Variants in ARAP3 observed in about 807,000 individuals in gnomAD.
ARAP3 encodes ArfGAP with RhoGAP domain, ankyrin repeat and PH domain 3.
In ARAP3, 82 loss-of-function variants were observed where a neutral mutation model predicts 169.2. That is an observed-to-expected ratio of 0.48 (90% CI 0.41 to 0.58). ARAP3 has a LOEUF of 0.58. Among genes scored for constraint, ARAP3 ranks in the 20% least tolerant of loss-of-function variants. ARAP3 has a pLI of 0.00. For missense variants in ARAP3, 1,764 were observed against 2,018.0 expected (o/e 0.87, Z 2.41); for synonymous variants, 791 against 800.3 (o/e 0.99, Z 0.20).
intron 21 of ARAP3, among the ~76,000 whole-genome samples, chr5:141,660,350 C>T (rs2099909775): frequency 6.6e-6 from 1 of 151,720 alleles, no homozygotes; most frequent in Non-Finnish European, 1.5e-5. Flanking sequence ...AAAAATTAGC[C>T]GGGCGTGATG....
At position 141,671,491 on chromosome 5, in the gene ARAP3, C is replaced by A; in HGVS notation, c.1854+79G>T. 1 of 1,605,186 alleles carries A rather than the reference C, an allele frequency of 6.2e-7. No homozygotes were observed. The highest frequency in any genetic ancestry group is 1.1e-5 in the South Asian group (1 of 89,916). ...TCATCACTAAAAACAGTCCCCACCACCCAAGTCTAGGCATTCCAACTCCAG... is the reference window on the plus strand; with the variant it reads ...TCATCACTAAAAACAGTCCCCACCAACCAAGTCTAGGCATTCCAACTCCAG... On this transcript the variant is annotated intron_variant, in intron 12 of 32. Coordinates refer to ENST00000239440, the MANE Select transcript of ARAP3 (RefSeq NM_022481.6). This position sits in a 1 kb window ranked among gnomAD's most constrained non-coding sequence, Gnocchi z 4.9.
intron 25 of ARAP3, 126 bp downstream of exon 25, chr5:141,658,239 T>G: frequency 1.1e-6 from 1 of 878,484 alleles, no homozygotes; most frequent in East Asian, 2.7e-5. Flanking sequence ...CTCGCATGGA[T>G]GAGTGGATGA....
rs1000444419 is a variant in ARAP3 at position 141,670,640 on chromosome 5, A to G, written c.1991-12T>C. ...ACCAGGGGAGGGGTCTGCAAGGGGA[A>G]GGGGAAGTAGTCAGGTCAACCAAGT... On this transcript the variant is annotated splice_polypyrimidine_tract_variant and intron_variant, in intron 13 of 32. Coordinates refer to ENST00000239440, the MANE Select transcript of ARAP3 (RefSeq NM_022481.6). 5.9e-5 allele frequency: 95 copies of G among 1,611,110 alleles called. No homozygotes were observed. The highest frequency in any genetic ancestry group is 9.9e-5 in the South Asian group (9 of 91,026).
chr5:141,681,114 G>A (rs547187117), intron 1 of ARAP3, among the ~76,000 whole-genome samples: 12 of 152,218 alleles, frequency 7.9e-5, no homozygotes, highest in Admixed American at 6.5e-5. Context: ...AGCCCTGGCC[G>A]CCTCCACATC....
At position 141,676,379 on chromosome 5, in the gene ARAP3, A is replaced by T. The variant is rs977737702; in HGVS notation, c.699-2571T>A. 3.3e-5 allele frequency among the ~76,000 whole-genome samples: 5 copies of T among 152,314 alleles called. No homozygotes were observed. The South Asian group carries it at 6.2e-4, about 19-fold the overall frequency. ...AACAAAAAAACTCTTTTCTTGACTC[A>T]GCTTCCTCTAGCAACAATAGTTCCA... On this transcript the variant is annotated intron_variant, in intron 4 of 32. Coordinates refer to ENST00000239440, the MANE Select transcript of ARAP3 (RefSeq NM_022481.6).
rs1262514193 is a variant in ARAP3 at position 141,680,752 on chromosome 5, GTA to G, written c.-17-251_-17-250del. Reference sequence around the variant, plus strand: ...GGAAGGGGCTTGCCCCAGGTTCACAGTAAGTCAGTGCTAGAGTTGGCCCCTCA... The same window carrying G: ...GGAAGGGGCTTGCCCCAGGTTCACAGAGTCAGTGCTAGAGTTGGCCCCTCA... On this transcript the variant is annotated intron_variant, in intron 1 of 32. Coordinates refer to ENST00000239440, the MANE Select transcript of ARAP3 (RefSeq NM_022481.6). The G allele has an allele frequency of 1.9e-5, 11 of 590,322 alleles. No homozygotes were observed. The African/African-American group carries it at 2.1e-4, about 11-fold the overall frequency. 36.6% of individuals were successfully genotyped at this position (590,322 alleles called of 1,614,324 possible).
intron 4 of ARAP3, among the ~76,000 whole-genome samples, chr5:141,674,836 G>A (rs1457481979): frequency 6.6e-6 from 1 of 152,164 alleles, no homozygotes; most frequent in Non-Finnish European, 1.5e-5. Context: ...TCACCAGGGT[G>A]ATGCAAATTC....
Position 141,671,651 on chromosome 5 carries a change from T to C in ARAP3, c.1773A>G (p.Gly591=), listed in dbSNP as rs774675083. The change falls in exon 12 of 33, where the codon GGA becomes GGG. Residue 591 remains glycine (G), a synonymous_variant. Transcript: ENST00000239440. This position sits in a 1 kb window ranked among gnomAD's most constrained non-coding sequence, Gnocchi z 4.9. ...LHPDATPGPR[G]EFISRKYRLG... is the part of the protein sequence containing the mutation. ...GACGGTACTTTCGGGAGATGAACTC[T>C]CCCCGGGGGCCAGGGGTCGCATCTG... 6.2e-7 allele frequency: 1 copy of C among 1,613,938 alleles called. No homozygotes were observed. The highest frequency in any genetic ancestry group is 1.1e-5 in the South Asian group (1 of 91,058).
chr5:141,669,228 G>A (rs564229438), intron 16 of ARAP3, among the ~76,000 whole-genome samples: 93 of 152,272 alleles, frequency 6.1e-4, no homozygotes, highest in Admixed American at 3.3e-3. Flanking sequence ...TTTGGGAATG[G>A]CATACAGGAG....
intron 16 of ARAP3, 55 bp downstream of exon 16, chr5:141,669,654 G>A (rs2099911171): frequency 1.3e-6 from 2 of 1,515,848 alleles, no homozygotes; most frequent in Non-Finnish European, 9.1e-7. Context: ...GAAGATGGGA[G>A]CACGTGGGGA....
At chr5:141,677,597 A>G (rs184687365) in intron 4 of ARAP3, among the ~76,000 whole-genome samples, 36 of 152,162 alleles carry the variant, frequency 2.4e-4, no homozygotes, top group African/African-American at 8.4e-4. Flanking sequence ...AAACCTCCCC[A>G]CTGGTCTCTC....
chr5:141,666,703 G>T, intron 16 of ARAP3, 60 bp from the exon 17 acceptor site: 1 of 811,174 alleles, frequency 1.2e-6, no homozygotes, highest in Non-Finnish European at 1.7e-6. Context: ...AGGAATAGGG[G>T]AGAGAAATGA....
chr5:141,658,272 T>C (rs1410797228), intron 25 of ARAP3, 93 bp downstream of exon 25: 22 of 1,263,238 alleles, frequency 1.7e-5, no homozygotes, highest in Non-Finnish European at 2.2e-5. Context: ...TTACCATTCA[T>C]ATTTGGTAAC....
In ARAP3 at chr5:141,665,329, A is replaced by C; in HGVS notation, c.2618T>G (p.Val873Gly). 6.2e-7 allele frequency: 1 copy of C among 1,614,214 alleles called. No individual in the cohort carries two copies. The highest frequency in any genetic ancestry group is 8.5e-7 in the Non-Finnish European group (1 of 1,180,040). ...ADTPDKKEHL[V>G]LVETGRTLYL... ...AATTTACCTTCCTGTCTCCACCAGG[A>C]CCAAATGCTCTTTCTTATCTGGGGT... Residue 873 changes from valine (V) to glycine (G), a missense_variant, in exon 18 of 33, where the codon GTC (valine) becomes GGC (glycine). By Grantham distance (109) the Val-to-Gly change is moderately radical. Transcript: ENST00000239440.
rs180834516 is a variant in ARAP3, at chr5:141,666,919, C to T, written c.2353-276G>A. 2.9e-3 allele frequency among the ~76,000 whole-genome samples: 441 copies of T among 152,012 alleles called. 5 individuals are homozygous for T. Among genetic ancestry groups the T allele is most frequent in the Non-Finnish European group, 3.1e-3 (212 of 67,962 alleles). On this transcript the variant is annotated intron_variant, in intron 16 of 32. Coordinates refer to ENST00000239440, the MANE Select transcript of ARAP3 (RefSeq NM_022481.6). ...AGACCCCTGTGTGGCAGCCTCATGC[C>T]CTTAATTGAGGTGTGGGTATAAGAA...
At chr5:141,677,473 C>CTT (rs34432991) in intron 4 of ARAP3, among the ~76,000 whole-genome samples, 3 of 151,926 alleles carry the variant, frequency 2.0e-5, no homozygotes, top group Non-Finnish European at 2.9e-5. Flanking sequence ...CTTGACTGCT[C>CTT]TTTTTTTCTC....
chr5:141,673,703 G>A lies in ARAP3; in HGVS notation c.804C>T (p.Thr268=). ...LLSPTLETEE[T]SDDLISPYAS... Reference sequence around the variant, plus strand: ...CATAGGGTGAAATGAGGTCATCACTGGTCTCCTCTGTTTCCAGGGTGGGCG... The same window carrying A: ...CATAGGGTGAAATGAGGTCATCACTAGTCTCCTCTGTTTCCAGGGTGGGCG... Residue 268 remains threonine, a synonymous_variant, in exon 5 of 33, where the codon ACC becomes ACT. Coordinates refer to ENST00000239440, the MANE Select transcript of ARAP3 (RefSeq NM_022481.6). The A allele has an allele frequency of 3.7e-6, 6 of 1,614,176 alleles. No individual in the cohort carries two copies. The highest frequency in any genetic ancestry group is 5.1e-6 in the Non-Finnish European group (6 of 1,180,048).
Position 141,680,008 on chromosome 5 carries a change from T to C in ARAP3, c.479A>G (p.Tyr160Cys). The C allele has an allele frequency of 1.2e-6, 2 of 1,614,112 alleles. No homozygotes were observed. Among genetic ancestry groups the C allele is most frequent in the South Asian group, 1.1e-5 (1 of 91,064 alleles). Residue 160 changes from tyrosine (Y) to cysteine (C), a missense_variant, in exon 2 of 33, where the codon TAC becomes TGC. Tyr to Cys is a radical substitution (Grantham distance 194). Transcript: ENST00000239440. ...CCTGCCTCTTGAGTCCAGGCCGAAG[T>C]AGATGGAATTAGGCATCATCTCCAC... ...NTVEMMPNSI[Y>C]FGLDSRGRAQ...
chr5:141,680,001 G>T lies in ARAP3; in HGVS notation c.486C>A (p.Gly162=), dbSNP rs147767083. Reference sequence around the variant, plus strand: ...CCTGTGCCCTGCCTCTTGAGTCCAGGCCGAAGTAGATGGAATTAGGCATCA... The same window carrying T: ...CCTGTGCCCTGCCTCTTGAGTCCAGTCCGAAGTAGATGGAATTAGGCATCA... ...VEMMPNSIYF[G]LDSRGRAQAA... is the part of the protein sequence containing the mutation. Residue 162 remains glycine, a synonymous_variant, in exon 2 of 33, where the codon GGC becomes GGA. Transcript: ENST00000239440. The T allele has an allele frequency of 7.4e-6, 12 of 1,614,198 alleles. No individual in the cohort carries two copies. Among genetic ancestry groups the T allele is most frequent in the Non-Finnish European group, 1.0e-5 (12 of 1,180,044 alleles).
Sources: allele counts gnomAD v4.1 joint callset (sites outside exome capture counted in the v4.1 genomes callset), GRCh38; gene constraint gnomAD v4.1.1; non-coding constraint Gnocchi (gnomAD v3.1); transcripts MANE v1.5; gene names NCBI Gene and HGNC (gene_info 2026-07-23, HGNC 2026-07-21).